The following EDA variants were observed in gnomAD, a reference collection of about 807,000 sequenced individuals.
EDA encodes ectodysplasin-A.
In EDA, 2 loss-of-function variants were observed where a neutral mutation model predicts 23.6. The ratio of observed to expected loss-of-function variants is 0.08; its 90% CI spans 0.03 to 0.27. EDA has a LOEUF of 0.27. EDA is among the 10% of genes least tolerant of loss of function. EDA has a pLI of 1.00. For missense variants in EDA, 229 were observed against 324.2 expected (o/e 0.71, Z 2.26); for synonymous variants, 131 against 132.0 (o/e 0.99, Z 0.05).
chrX:69,747,396 T>A (rs1412377484), intron 1 of EDA, among the ~76,000 whole-genome samples: 3 of 112,417 alleles, frequency 2.7e-5, no homozygotes, highest in African/African-American at 9.7e-5. Context: ...GTATGAGCAG[T>A]GTGAAATATT....
intron 1 of EDA, among the ~76,000 whole-genome samples, chrX:69,926,602 G>A (rs1482454650): frequency 3.6e-5 from 4 of 112,226 alleles, no homozygotes; most frequent in Admixed American, 9.4e-5. Flanking sequence ...TAGACTAAGT[G>A]CCATGTGGCA....
At chrX:69,770,433 T>C (rs1434559749) in intron 1 of EDA, among the ~76,000 whole-genome samples, 1 of 112,073 alleles carries the variant, frequency 8.9e-6, no homozygotes, top group Non-Finnish European at 1.9e-5. Context: ...ATCATACAGA[T>C]AGGTGTGCAG....
At chrX:69,990,080 T>C (rs185725965) in intron 2 of EDA, among the ~76,000 whole-genome samples, 28 of 110,801 alleles carry the variant, frequency 2.5e-4, no homozygotes, top group Non-Finnish European at 3.8e-4. Flanking sequence ...CTGATTATCT[T>C]TTCTTCATTC....
chrX:69,932,464 G>C (rs1230822576), intron 1 of EDA, among the ~76,000 whole-genome samples: 1 of 111,608 alleles, frequency 9.0e-6, no homozygotes, highest in Non-Finnish European at 1.9e-5. Flanking sequence ...TAGGCTTTGA[G>C]GCTGGAGTTA....
At chrX:69,649,644 T>C (rs1602252249) in intron 1 of EDA, among the ~76,000 whole-genome samples, 1 of 108,075 alleles carries the variant, frequency 9.3e-6, no homozygotes, top group East Asian at 2.9e-4. Context: ...TGGAGTGCAG[T>C]GGCGTGATCT....
chrX:69,721,108 G>C (rs907287703), intron 1 of EDA, among the ~76,000 whole-genome samples: 1 of 111,743 alleles, frequency 8.9e-6, no homozygotes, highest in Non-Finnish European at 1.9e-5. Context: ...TGGTTTGCTT[G>C]GTTTATCTGG....
At chrX:69,729,953 A>G (rs1429572963) in intron 1 of EDA, among the ~76,000 whole-genome samples, 1 of 111,647 alleles carries the variant, frequency 9.0e-6, no homozygotes, top group Non-Finnish European at 1.9e-5. Context: ...TTGACATTTT[A>G]TGCTGCTTTA....
At chrX:70,028,120 CA>C in intron 4 of EDA, 84 bp downstream of exon 4, 1 of 1,152,304 alleles carries the variant, frequency 8.7e-7, no homozygotes, top group Non-Finnish European at 1.2e-6. Flanking sequence ...AGAGCAGTTT[CA>C]AACGGTGGAG....
chrX:69,907,787 A>G (rs747045670), intron 1 of EDA, among the ~76,000 whole-genome samples: 2 of 111,705 alleles, frequency 1.8e-5, no homozygotes, highest in Non-Finnish European at 3.8e-5. Context: ...CATGGTTAAG[A>G]AGGAATTTTT....
chrX:69,616,798 C>A (rs1931977526), intron 1 of EDA, 94 bp downstream of exon 1: 1 of 1,124,426 alleles, frequency 8.9e-7, no homozygotes. Context: ...TCAGCAACCT[C>A]GAGCCAATTT....
At position 69,616,199 on chromosome X, in the gene EDA, C is replaced by T. The variant is rs961904206; in HGVS notation, c.-110C>T. ...GCCACTGTCGCGCAGGAACGGGTCCCTGCAGCCCCCAGCCGATGGCAGGAC... is the reference window on the plus strand; with the variant it reads ...GCCACTGTCGCGCAGGAACGGGTCCTTGCAGCCCCCAGCCGATGGCAGGAC... On this transcript the variant is annotated 5_prime_UTR_variant, in exon 1 of 8. Transcript: ENST00000374552. 1 of 984,631 alleles carries T rather than the reference C, an allele frequency of 1.0e-6. No homozygotes were observed. The allele number at this position is 984,631 out of a possible 1,213,427, so 81.1% of individuals were successfully genotyped here. A position where few individuals can be genotyped will look rare whatever the true frequency, so the allele number is the denominator to read the frequency against.
intron 1 of EDA, among the ~76,000 whole-genome samples, chrX:69,714,392 G>C (rs1042713863): frequency 2.7e-5 from 3 of 110,964 alleles, no homozygotes; most frequent in African/African-American, 6.5e-5. Flanking sequence ...ACAGAGCAAG[G>C]GTTTTAAATT....
intron 1 of EDA, among the ~76,000 whole-genome samples, chrX:69,670,628 C>CA (rs1166417042): frequency 3.4e-3 from 349 of 103,424 alleles, no homozygotes; most frequent in African/African-American, 0.01. Context: ...TGAGTCATTT[C>CA]AAAAAAAAAA....
intron 1 of EDA, among the ~76,000 whole-genome samples, chrX:69,919,147 C>A (rs2018389770): frequency 9.0e-6 from 1 of 111,068 alleles, no homozygotes; most frequent in East Asian, 2.8e-4. Context: ...GATTAAGGGG[C>A]CAGAGGGATT....
At chrX:69,880,129 G>T (rs2017722024) in intron 1 of EDA, among the ~76,000 whole-genome samples, 3 of 111,807 alleles carry the variant, frequency 2.7e-5, no homozygotes, top group Non-Finnish European at 5.6e-5. Flanking sequence ...ACGAACATGG[G>T]TTCAGAGGAG....
intron 1 of EDA, among the ~76,000 whole-genome samples, chrX:69,741,499 G>GT (rs1183836288): frequency 7.2e-5 from 8 of 111,635 alleles, no homozygotes; most frequent in Non-Finnish European, 1.3e-4. Flanking sequence ...GATGGCATTG[G>GT]TTTTTATCAG....
intron 1 of EDA, among the ~76,000 whole-genome samples, chrX:69,758,813 G>A (rs1471886984): frequency 8.9e-6 from 1 of 112,520 alleles, no homozygotes; most frequent in African/African-American, 3.2e-5. Flanking sequence ...TCCAGCTTGA[G>A]CAACAAGAGT....
At chrX:69,788,099 C>T (rs371678597) in intron 1 of EDA, among the ~76,000 whole-genome samples, 41,308 of 110,123 alleles carry the variant, frequency 0.38, 7,061 homozygotes, top group Middle Eastern at 0.64. Context: ...CCTGAGGCTT[C>T]TGCATTCTTC....
intron 1 of EDA, among the ~76,000 whole-genome samples, chrX:69,738,504 G>A (rs1198064285): frequency 4.7e-5 from 5 of 107,377 alleles, no homozygotes; most frequent in African/African-American, 1.0e-4. Context: ...ATTAATCTCT[G>A]TCTTAATCTT....
Sources: gnomAD v4.1 joint callset for allele counts (sites outside exome capture counted in the v4.1 genomes callset) on GRCh38, gnomAD v4.1.1 for gene constraint, MANE v1.5 for transcripts, NCBI Gene and HGNC (gene_info 2026-07-23, HGNC 2026-07-21) for gene names.